Variants in RYR3 observed in about 807,000 individuals in gnomAD.
The protein encoded by RYR3 is brain ryanodine receptor-calcium release channel.
Under a neutral mutation model 584.3 loss-of-function variants are expected in RYR3, and 207 were observed. The ratio of observed to expected loss-of-function variants is 0.35; its 90% CI spans 0.32 to 0.40. RYR3 has a LOEUF of 0.40. Ranked by LOEUF, RYR3 falls within the 10% of genes least tolerant of loss-of-function variation. The probability of loss-of-function intolerance (pLI) is 1.00; values close to 1 mark genes in which losing one functional copy is unlikely to be tolerated. For synonymous variants in RYR3, 2,416 were observed against 2,248.5 expected, an observed-to-expected ratio of 1.07 and a Z score of -2.11; for missense variants, 5,616 against 6,089.2, an observed-to-expected ratio of 0.92 and a Z score of 2.59.
chr15:33,859,545 G>A, intron 99 of RYR3, 30 bp from the exon 100 acceptor site: 1 of 1,612,690 alleles, frequency 6.2e-7, no homozygotes, highest in Non-Finnish European at 8.5e-7. Context: ...TGTGACTTTT[G>A]CCTAAATCCC....
intron 7 of RYR3, among the ~76,000 whole-genome samples, chr15:33,541,314 C>A (rs768673082): frequency 5.3e-5 from 8 of 152,122 alleles, no homozygotes; most frequent in Non-Finnish European, 1.2e-4. Flanking sequence ...GCAGGCGAAG[C>A]ACTTACTCTA....
chr15:33,480,458 A>G (rs1319141018), intron 2 of RYR3, among the ~76,000 whole-genome samples: 1 of 152,216 alleles, frequency 6.6e-6, no homozygotes, highest in Non-Finnish European at 1.5e-5. Context: ...TCATACACAT[A>G]TTAGGTCCTC....
intron 18 of RYR3, among the ~76,000 whole-genome samples, chr15:33,611,424 C>T (rs12102155): frequency 0.023 from 3,430 of 151,754 alleles, 59 homozygotes; most frequent in Non-Finnish European, 0.037. Context: ...GGCGTGGTGG[C>T]GGGCACCTGT....
At position 33,777,801 on chromosome 15, in the gene RYR3, A is replaced by G. The variant is rs546507526; in HGVS notation, c.9138-2410A>G. On this transcript the variant is annotated intron_variant, in intron 64 of 103. Coordinates refer to ENST00000634891, the MANE Select transcript of RYR3 (RefSeq NM_001036.6). Reference sequence around the variant, plus strand: ...TCAAAGAAAGAGGAAAAAAAAAAAAAAGAGAAGAATAATGGATCTATCCAG... The same window carrying G: ...TCAAAGAAAGAGGAAAAAAAAAAAAGAGAGAAGAATAATGGATCTATCCAG... Among the ~76,000 whole-genome samples, 550 of 151,558 alleles carry G rather than the reference A, an allele frequency of 3.6e-3. 1 individual carries two copies. Among genetic ancestry groups the G allele is most frequent in the Non-Finnish European group, 6.3e-3 (425 of 67,940 alleles).
chr15:33,564,829 A>G (rs576441005), intron 11 of RYR3, among the ~76,000 whole-genome samples: 17 of 152,330 alleles, frequency 1.1e-4, no homozygotes, highest in Middle Eastern at 3.4e-3. Flanking sequence ...AGGTGCTTTT[A>G]TAAACTCTCT....
chr15:33,550,028 G>A, intron 9 of RYR3, 132 bp from the exon 10 acceptor site: 1 of 854,408 alleles, frequency 1.2e-6, no homozygotes, highest in South Asian at 1.9e-5. Context: ...CAGCAGCCTG[G>A]TGCGTTTTCC....
intron 19 of RYR3, 32 bp from the exon 20 acceptor site, chr15:33,623,775 A>C: frequency 3.5e-6 from 5 of 1,433,884 alleles, no homozygotes; most frequent in Non-Finnish European, 4.9e-6. Flanking sequence ...TTTTTTTTTA[A>C]CCTCTGTATT....
intron 1 of RYR3, among the ~76,000 whole-genome samples, chr15:33,354,817 G>C (rs1223968325): frequency 2.0e-5 from 3 of 152,204 alleles, no homozygotes; most frequent in African/African-American, 4.8e-5. Context: ...TTATTGGCCT[G>C]TCTCTGACAG....
At chr15:33,373,643 A>G (rs1297674609) in intron 1 of RYR3, among the ~76,000 whole-genome samples, 1 of 152,198 alleles carries the variant, frequency 6.6e-6, no homozygotes, top group Non-Finnish European at 1.5e-5. Context: ...TGTTTTGTCC[A>G]GGATACATTT....
intron 38 of RYR3, among the ~76,000 whole-genome samples, chr15:33,680,479 A>G (rs892212999): frequency 1.3e-5 from 2 of 152,202 alleles, no homozygotes; most frequent in Non-Finnish European, 2.9e-5. Flanking sequence ...TGGCAGAAAG[A>G]TGGTGGCTGC....
At chr15:33,488,449 C>CTTTTTTTT (rs72098093) in intron 2 of RYR3, among the ~76,000 whole-genome samples, 4 of 127,492 alleles carry the variant, frequency 3.1e-5, no homozygotes, top group African/African-American at 5.9e-5. Flanking sequence ...ACAGTCTTGC[C>CTTTTTTTT]TTTTTTTTTT....
At position 33,865,436 on chromosome 15, in the gene RYR3, T is replaced by C; in HGVS notation, c.*210T>C. The C allele has an allele frequency of 2.0e-6, 1 of 507,300 alleles. No homozygotes were observed. The highest frequency in any genetic ancestry group is 3.2e-5 in the South Asian group (1 of 31,480). The allele number at this position is 507,300 out of a possible 1,614,324, so 31.4% of individuals were successfully genotyped here. A position where few individuals can be genotyped will look rare whatever the true frequency, so the allele number is the denominator to read the frequency against. On this transcript the variant is annotated 3_prime_UTR_variant, in exon 104 of 104. Transcript: ENST00000634891. ...CTGTGGGAGAGAACCTGTCAAAATG[T>C]CGAAGAAGGAAGGCGAAGAATCAAG...
Position 33,510,931 on chromosome 15 carries a change from T to G in RYR3, c.279+7193T>G, listed in dbSNP as rs562250102. On this transcript the variant is annotated intron_variant, in intron 3 of 103. Transcript: ENST00000634891. ...TGATATTTATGAAGATATGTGCAAATAACTCACATTTCATTTTTGGACTGG... is the reference window on the plus strand; with the variant it reads ...TGATATTTATGAAGATATGTGCAAAGAACTCACATTTCATTTTTGGACTGG... 2.0e-5 allele frequency among the ~76,000 whole-genome samples: 3 copies of G among 152,324 alleles called. No individual in the cohort carries two copies. The East Asian group carries it at 5.8e-4, about 29-fold the overall frequency.
chr15:33,675,350 T>C (rs1021092098), intron 38 of RYR3, among the ~76,000 whole-genome samples: 4 of 152,234 alleles, frequency 2.6e-5, no homozygotes, highest in Non-Finnish European at 1.5e-5. Context: ...TAAGTAACTT[T>C]CCAAAATCAC....
rs1348874432 is a variant in RYR3, at chr15:33,458,914, GTCT to G, written c.52-14500_52-14498del. On this transcript the variant is annotated intron_variant, in intron 1 of 103. Transcript: ENST00000634891. ...CCAATACCTGATCTTTCCCACCACT[GTCT>G]TCTTTTTGTCATATCCAGAACTCAT... Among the ~76,000 whole-genome samples the G allele has an allele frequency of 2.6e-5, 4 of 152,170 alleles. No individual in the cohort carries two copies. The East Asian group carries it at 7.7e-4, about 29-fold the overall frequency.
At chr15:33,857,735 G>C in intron 98 of RYR3, 45 bp from the exon 99 acceptor site, 3 of 1,611,404 alleles carry the variant, frequency 1.9e-6, no homozygotes, top group African/African-American at 1.3e-5. Flanking sequence ...TTTCAAGGTA[G>C]AGAAGACCCC....
At chr15:33,386,884 G>C (rs1595927553) in intron 1 of RYR3, among the ~76,000 whole-genome samples, 1 of 151,890 alleles carries the variant, frequency 6.6e-6, no homozygotes, top group Admixed American at 6.6e-5. Flanking sequence ...TTGAGACAGA[G>C]TCTTGCTCTG....
intron 1 of RYR3, among the ~76,000 whole-genome samples, chr15:33,445,260 G>A (rs2046539125): frequency 6.6e-6 from 1 of 152,112 alleles, no homozygotes; most frequent in Non-Finnish European, 1.5e-5. Flanking sequence ...ATATGTCTTG[G>A]AGTTGGCGGT....
chr15:33,631,348 T>C, intron 23 of RYR3, 55 bp downstream of exon 23: 1 of 1,192,670 alleles, frequency 8.4e-7, no homozygotes, highest in Non-Finnish European at 1.2e-6. Flanking sequence ...CCTGGATTTT[T>C]AATCCAGGAG....
Sources: gnomAD v4.1 joint callset for allele counts (sites outside exome capture counted in the v4.1 genomes callset) on GRCh38, gnomAD v4.1.1 for gene constraint, MANE v1.5 for transcripts, NCBI Gene and HGNC (gene_info 2026-07-23, HGNC 2026-07-21) for gene names.